The following DSCAM variants were observed in gnomAD, a reference collection of about 807,000 sequenced individuals.
DSCAM encodes the protein cell adhesion molecule DSCAM.
Under a neutral mutation model 217.7 loss-of-function variants are expected in DSCAM, and 47 were observed. The observed-to-expected ratio is 0.22, with a 90% CI of 0.17 to 0.28. The LOEUF is 0.28. Ranked by LOEUF, DSCAM falls within the 10% of genes least tolerant of loss-of-function variation. The pLI is 1.00. For synonymous variants in DSCAM, 1,056 were observed against 1,015.3 expected (o/e 1.04, Z -0.76); for missense variants, 2,080 against 2,618.3 (o/e 0.79, Z 4.49).
chr21:40,444,368 T>G (rs2075657081), intron 3 of DSCAM, among the ~76,000 whole-genome samples: 4 of 152,202 alleles, frequency 2.6e-5, no homozygotes, highest in Admixed American at 2.6e-4. Flanking sequence ...CTGACACTGC[T>G]GTGATCTGCC....
At chr21:40,614,603 T>C (rs1008638619) in intron 3 of DSCAM, among the ~76,000 whole-genome samples, 16 of 152,110 alleles carry the variant, frequency 1.1e-4, no homozygotes, top group Non-Finnish European at 1.8e-4. Flanking sequence ...AGATATAGTC[T>C]GGAGGTAAAA....
chr21:40,356,324 T>C (rs1443590678), intron 4 of DSCAM, among the ~76,000 whole-genome samples: 1 of 151,712 alleles, frequency 6.6e-6, no homozygotes, highest in African/African-American at 2.4e-5. Context: ...TACACACACA[T>C]ACATACATAC....
chr21:40,325,242 A>G (rs2074304846), intron 8 of DSCAM, among the ~76,000 whole-genome samples: 1 of 152,176 alleles, frequency 6.6e-6, no homozygotes, highest in Admixed American at 6.5e-5. Context: ...ACTGCCTCTG[A>G]CAGCACCATC....
At chr21:40,702,024 G>C (rs941193054) in intron 2 of DSCAM, among the ~76,000 whole-genome samples, 1 of 152,092 alleles carries the variant, frequency 6.6e-6, no homozygotes, top group East Asian at 1.9e-4. Context: ...TGAACTAGGA[G>C]TATTGAAATC....
intron 19 of DSCAM, among the ~76,000 whole-genome samples, chr21:40,129,022 C>T (rs770610209): frequency 2.6e-5 from 4 of 152,162 alleles, no homozygotes; most frequent in African/African-American, 7.2e-5. Flanking sequence ...GTATGAATAT[C>T]GGACAAAAGT....
At chr21:40,244,767 T>C (rs2073200353) in intron 11 of DSCAM, among the ~76,000 whole-genome samples, 1 of 152,156 alleles carries the variant, frequency 6.6e-6, no homozygotes, top group Non-Finnish European at 1.5e-5. Flanking sequence ...TAATCTGATG[T>C]GCAGTTTGTA....
At chr21:40,669,732 C>A (rs1326794443) in intron 3 of DSCAM, among the ~76,000 whole-genome samples, 1 of 151,956 alleles carries the variant, frequency 6.6e-6, no homozygotes, top group Non-Finnish European at 1.5e-5. Context: ...GCGTGTGCCA[C>A]CACGCCTGGT....
chr21:40,029,827 C>T (rs1601244717), intron 32 of DSCAM, among the ~76,000 whole-genome samples: 1 of 151,584 alleles, frequency 6.6e-6, no homozygotes, highest in Non-Finnish European at 1.5e-5. Context: ...ACCTATATCT[C>T]CCTCACTGCC....
At chr21:40,375,958 T>C (rs2074945924) in intron 3 of DSCAM, among the ~76,000 whole-genome samples, 1 of 152,226 alleles carries the variant, frequency 6.6e-6, no homozygotes, top group Admixed American at 6.5e-5. Flanking sequence ...TGAATTATTC[T>C]TTCATTATGC....
At chr21:40,079,130 T>C (rs80229785) in intron 25 of DSCAM, among the ~76,000 whole-genome samples, 153 bp from the exon 26 acceptor site, 2,565 of 152,318 alleles carry the variant, frequency 0.017, 82 homozygotes, top group African/African-American at 0.058. Flanking sequence ...CCCCTGTTAA[T>C]AGAGACTTTA....
At chr21:40,308,784 A>C (rs2074107423) in intron 9 of DSCAM, among the ~76,000 whole-genome samples, 1 of 152,184 alleles carries the variant, frequency 6.6e-6, no homozygotes. Context: ...TAGTAGGAGG[A>C]TAAATGTGTT....
chr21:40,204,062 T>C (rs990858656), intron 11 of DSCAM, among the ~76,000 whole-genome samples: 2 of 152,206 alleles, frequency 1.3e-5, no homozygotes, highest in African/African-American at 4.8e-5. Flanking sequence ...ACAGGGGTGT[T>C]TTAAGTGCTA....
intron 5 of DSCAM, among the ~76,000 whole-genome samples, chr21:40,351,794 T>C (rs1015692792): frequency 4.6e-5 from 7 of 152,002 alleles, no homozygotes; most frequent in African/African-American, 7.2e-5. Flanking sequence ...TAAACGCCTT[T>C]AGAGAGAAAG....
chr21:40,179,307 C>T (rs2146803140), intron 14 of DSCAM, among the ~76,000 whole-genome samples: 1 of 151,646 alleles, frequency 6.6e-6, no homozygotes, highest in East Asian at 1.9e-4. Flanking sequence ...TGACATCCCA[C>T]ACACATTATT....
At chr21:40,746,976 TGAA>T (rs1301695626) in intron 1 of DSCAM, among the ~76,000 whole-genome samples, 1 of 151,860 alleles carries the variant, frequency 6.6e-6, no homozygotes, top group Non-Finnish European at 1.5e-5. Flanking sequence ...GAGGAGTTAG[TGAA>T]GAAATCAAAA....
intron 3 of DSCAM, among the ~76,000 whole-genome samples, chr21:40,407,199 T>G (rs996399999): frequency 6.6e-6 from 1 of 152,210 alleles, no homozygotes; most frequent in Non-Finnish European, 1.5e-5. Flanking sequence ...TTTATCTAAT[T>G]TAGCTCAGTT....
chr21:40,624,994 C>T (rs2089580692), intron 3 of DSCAM, among the ~76,000 whole-genome samples: 1 of 152,024 alleles, frequency 6.6e-6, no homozygotes, highest in African/African-American at 2.4e-5. Flanking sequence ...GCTGTGTTGA[C>T]ATAAATAGGT....
intron 3 of DSCAM, among the ~76,000 whole-genome samples, chr21:40,671,110 G>C (rs190915408): frequency 7.9e-5 from 12 of 151,026 alleles, no homozygotes; most frequent in African/African-American, 2.6e-4. Flanking sequence ...AGTCACATAC[G>C]TGAGTGTCTA....
chr21:40,202,786 T>C (rs2091084283), intron 11 of DSCAM, among the ~76,000 whole-genome samples: 1 of 152,260 alleles, frequency 6.6e-6, no homozygotes, highest in African/African-American at 2.4e-5. Flanking sequence ...TTTTCCACTG[T>C]GCCTCTTCAT....
Sources: allele counts gnomAD v4.1 joint callset (sites outside exome capture counted in the v4.1 genomes callset), GRCh38; gene constraint gnomAD v4.1.1; transcripts MANE v1.5; gene names NCBI Gene and HGNC (gene_info 2026-07-23, HGNC 2026-07-21).